The following DNAJB6 variants were observed in gnomAD, a reference collection of about 807,000 sequenced individuals.
DNAJB6 encodes dnaJ homolog subfamily B member 6.
In DNAJB6, 16 loss-of-function variants were observed where a neutral mutation model predicts 42.7. The ratio of observed to expected loss-of-function variants is 0.37; its 90% CI spans 0.25 to 0.57. DNAJB6 has a LOEUF of 0.57. DNAJB6 is among the 20% of genes least tolerant of loss of function. The pLI is 0.74. For missense variants in DNAJB6, 347 were observed against 416.8 expected (o/e 0.83, Z 1.46); for synonymous variants, 170 against 163.5 (o/e 1.04, Z -0.30).
chr7:157,401,687 G>A (rs889610786), intron 8 of DNAJB6, among the ~76,000 whole-genome samples: 5 of 152,216 alleles, frequency 3.3e-5, no homozygotes, highest in Non-Finnish European at 7.3e-5. Flanking sequence ...ATGTGTCAAG[G>A]TGGGTGGAAC....
intron 8 of DNAJB6, among the ~76,000 whole-genome samples, chr7:157,398,247 C>G (rs1321309884): frequency 2.0e-5 from 3 of 152,224 alleles, no homozygotes; most frequent in African/African-American, 4.8e-5. Flanking sequence ...GTGCCTGGCA[C>G]ACATTAAATG....
intron 9 of DNAJB6, chr7:157,412,117 C>T (rs1311189134): frequency 6.6e-6 from 1 of 152,096 alleles, no homozygotes; most frequent in African/African-American, 2.4e-5. Flanking sequence ...AAATATATAA[C>T]GAACACGTCA....
intron 8 of DNAJB6, among the ~76,000 whole-genome samples, chr7:157,407,675 T>TC (rs1430039193): frequency 2.6e-5 from 4 of 152,094 alleles, no homozygotes; most frequent in Non-Finnish European, 1.5e-5. Context: ...TGCACAGGTG[T>TC]CCCCGGGCAG....
At chr7:157,396,098 C>T (rs113861299) in intron 8 of DNAJB6, among the ~76,000 whole-genome samples, 7,745 of 151,920 alleles carry the variant, frequency 0.051, 241 homozygotes, top group African/African-American at 0.086. Flanking sequence ...CTGGTGTGTG[C>T]CACCACGCCC....
At position 157,410,165 on chromosome 7, in the gene DNAJB6, C is replaced by T. The variant is rs956018373; in HGVS notation, c.898+164C>T. 4.4e-5 allele frequency: 62 copies of T among 1,395,242 alleles called. 1 individual carries two copies. In the South Asian group the frequency reaches 8.6e-4, roughly 19 times the overall value. The allele number at this position is 1,395,242 out of a possible 1,614,324, so 86.4% of individuals were successfully genotyped here. On this transcript the variant is annotated intron_variant, in intron 9 of 9. Coordinates refer to ENST00000262177, the MANE Select transcript of DNAJB6 (RefSeq NM_058246.4). ...AGGTAGCCTCGCTCTGCTCCTCTCC[C>T]GCTCGCGGCGCCCCACGCCACGGTG...
At chr7:157,399,701 C>T (rs1298067187) in intron 8 of DNAJB6, among the ~76,000 whole-genome samples, 8 of 152,088 alleles carry the variant, frequency 5.3e-5, no homozygotes, top group African/African-American at 1.4e-4. Flanking sequence ...TGGAGTCTCG[C>T]CCTGTCGCCC....
chr7:157,367,571 G>A, intron 5 of DNAJB6, 88 bp downstream of exon 5: 1 of 894,104 alleles, frequency 1.1e-6, no homozygotes, highest in Non-Finnish European at 1.9e-6. Context: ...AATTAACATT[G>A]TATTTTAGGC....
chr7:157,403,909 A>G (rs1229377066), intron 8 of DNAJB6, among the ~76,000 whole-genome samples: 4 of 152,162 alleles, frequency 2.6e-5, no homozygotes, highest in African/African-American at 9.7e-5. Context: ...CAGGAGCCTC[A>G]GTGTTGAGTG....
In DNAJB6 at chr7:157,385,525, A is replaced by G. The variant is rs767609381; in HGVS notation, c.621-16A>G. ...TCTTTACCAGAAAGGTTTTTAAATGAATTTTTTTCCTACAGAATTGTCGAG... is the reference window on the plus strand; with the variant it reads ...TCTTTACCAGAAAGGTTTTTAAATGGATTTTTTTCCTACAGAATTGTCGAG... On this transcript the variant is annotated splice_polypyrimidine_tract_variant and intron_variant, in intron 7 of 9. Coordinates refer to ENST00000262177, the MANE Select transcript of DNAJB6 (RefSeq NM_058246.4). 2.5e-6 allele frequency: 4 copies of G among 1,609,258 alleles called. No individual in the cohort carries two copies. In the African/African-American group the frequency reaches 5.4e-5, roughly 22 times the overall value.
chr7:157,369,582 T>C (rs1022757868), intron 5 of DNAJB6: 5 of 324,848 alleles, frequency 1.5e-5, no homozygotes, highest in African/African-American at 6.8e-5. Flanking sequence ...AAACAGGCCG[T>C]TTCTCAACAT....
At chr7:157,366,465 G>GTTCCTTTT in intron 3 of DNAJB6, 37 bp from the exon 4 acceptor site, 1 of 1,594,346 alleles carries the variant, frequency 6.3e-7, no homozygotes, top group East Asian at 2.2e-5. Flanking sequence ...GGGTTTAAAA[G>GTTCCTTTT]GAACTTGGCC....
intron 1 of DNAJB6, among the ~76,000 whole-genome samples, chr7:157,353,420 T>C (rs892719023): frequency 3.9e-5 from 6 of 152,202 alleles, no homozygotes; most frequent in African/African-American, 1.4e-4. Context: ...AAGTAAGCAG[T>C]TGACACCGCT....
At chr7:157,363,096 TA>T in intron 2 of DNAJB6, 64 bp from the exon 3 acceptor site, 1 of 1,134,272 alleles carries the variant, frequency 8.8e-7, no homozygotes, top group South Asian at 1.4e-5. Flanking sequence ...TTAATGATGT[TA>T]GTTTCAAAAG....
In DNAJB6 at chr7:157,409,983, C is replaced by A; in HGVS notation, c.880C>A (p.Pro294Thr). 3.3e-6 allele frequency: 5 copies of A among 1,532,204 alleles called. No homozygotes were observed. The highest frequency in any genetic ancestry group is 4.4e-6 in the Non-Finnish European group (5 of 1,142,522). The allele number at this position is 1,532,204 out of a possible 1,614,324, so 94.9% of individuals were successfully genotyped here. A position where few individuals can be genotyped will look rare whatever the true frequency, so the allele number is the denominator to read the frequency against. Residue 294 changes from proline (P) to threonine (T), a missense_variant, in exon 9 of 10, where the codon CCC becomes ACC. Pro to Thr is a conservative substitution (Grantham distance 38). Coordinates refer to ENST00000262177, the MANE Select transcript of DNAJB6 (RefSeq NM_058246.4). ...ACCTCGGGCACCCGGGCCCTGGGACCCCCTCGCGTCCGCAGCAGGTGTGCA... is the reference window on the plus strand; with the variant it reads ...ACCTCGGGCACCCGGGCCCTGGGACACCCTCGCGTCCGCAGCAGGTGTGCA... ...DRPRAPGPWDPLASAAGLKEG... is the reference protein window; with the variant it reads ...DRPRAPGPWDTLASAAGLKEG...
chr7:157,374,029 A>G (rs999103247), intron 5 of DNAJB6, among the ~76,000 whole-genome samples: 1 of 152,172 alleles, frequency 6.6e-6, no homozygotes, highest in Admixed American at 6.5e-5. Flanking sequence ...AATTTAAGAA[A>G]AAAAGGTTAA....
At chr7:157,354,681 G>A (rs912491170) in intron 1 of DNAJB6, among the ~76,000 whole-genome samples, 2 of 152,116 alleles carry the variant, frequency 1.3e-5, no homozygotes, top group African/African-American at 2.4e-5. Context: ...AGAGCACAGG[G>A]CAGGATGAAA....
intron 8 of DNAJB6, among the ~76,000 whole-genome samples, chr7:157,401,833 G>A (rs1795531327): frequency 2.0e-5 from 3 of 152,188 alleles, no homozygotes; most frequent in South Asian, 2.1e-4. Flanking sequence ...TCCTGCCGCC[G>A]TCTCCACGCG....
At chr7:157,415,322 C>T (rs965872907) in intron 9 of DNAJB6, 1 of 152,260 alleles carries the variant, frequency 6.6e-6, no homozygotes, top group Non-Finnish European at 1.5e-5. Flanking sequence ...TCTCCATGCA[C>T]TTCAGCTGGA....
intron 5 of DNAJB6, among the ~76,000 whole-genome samples, chr7:157,367,952 TCAA>T (rs1307759340): frequency 6.6e-6 from 1 of 151,570 alleles, no homozygotes. Context: ...AAACCCTGTC[TCAA>T]CAACAACAAA....
Sources: gnomAD v4.1 joint callset for allele counts (sites outside exome capture counted in the v4.1 genomes callset) on GRCh38, gnomAD v4.1.1 for gene constraint, MANE v1.5 for transcripts, NCBI Gene and HGNC (gene_info 2026-07-23, HGNC 2026-07-21) for gene names.